Variants in SPMIP4 observed in about 807,000 individuals in gnomAD.
SPMIP4 encodes the protein sperm microtubule inner protein 4.
the SPMIP4 span, among the ~76,000 whole-genome samples, chr7:25,160,166 AC>A: frequency 6.6e-6 from 1 of 151,802 alleles, no homozygotes; most frequent in African/African-American, 2.4e-5. Context: ...AACCGAGACA[AC>A]CACAAATTTT....
chr7:25,155,971 C>T, the SPMIP4 span, among the ~76,000 whole-genome samples: 27 of 152,126 alleles, frequency 1.8e-4, no homozygotes, highest in Non-Finnish European at 2.5e-4. Context: ...TCCTCCCTTC[C>T]GCCCTCATCC....
the SPMIP4 span, chr7:25,142,379 C>T: frequency 3.6e-6 from 5 of 1,371,630 alleles, no homozygotes; most frequent in African/African-American, 2.9e-5. Flanking sequence ...AAACGAAGAA[C>T]GACAGTTATA....
chr7:25,158,619 G>T, the SPMIP4 span: 2 of 1,076,210 alleles, frequency 1.9e-6, no homozygotes, highest in Non-Finnish European at 2.8e-6. Context: ...AATGATATAG[G>T]CTGGGCATGG....
the SPMIP4 span, chr7:25,168,507 CAG>C: frequency 6.7e-7 from 1 of 1,493,446 alleles, no homozygotes; most frequent in South Asian, 1.3e-5. Flanking sequence ...AGCAACATAA[CAG>C]ATGCATAAAA....
At chr7:25,171,969 T>G in the SPMIP4 span, among the ~76,000 whole-genome samples, 2 of 152,306 alleles carry the variant, frequency 1.3e-5, no homozygotes, top group East Asian at 3.9e-4. Flanking sequence ...CAAACAGGAA[T>G]CCTTTCAGTA....
At chr7:25,128,227 C>G in the SPMIP4 span, among the ~76,000 whole-genome samples, 1 of 152,346 alleles carries the variant, frequency 6.6e-6, no homozygotes, top group East Asian at 1.9e-4. This position sits in a 1 kb window ranked among gnomAD's most constrained non-coding sequence, Gnocchi z 4.5. Context: ...TATGTTTCCT[C>G]AAGGCCTGCA....
At chr7:25,179,062 C>A in the SPMIP4 span, 10 of 1,238,622 alleles carry the variant, frequency 8.1e-6, no homozygotes, top group East Asian at 2.6e-4. Flanking sequence ...AACAAACAAA[C>A]AAACAAGAAA....
the SPMIP4 span, among the ~76,000 whole-genome samples, chr7:25,151,045 G>A: frequency 6.6e-6 from 1 of 152,110 alleles, no homozygotes; most frequent in Non-Finnish European, 1.5e-5. Flanking sequence ...GAGGAACACA[G>A]TGTGAGAAAT....
chr7:25,155,115 G>A, the SPMIP4 span: 417 of 1,613,580 alleles, frequency 2.6e-4, 4 homozygotes, highest in South Asian at 3.2e-3. Flanking sequence ...CTCAGGTGAC[G>A]TGAAGGTGGG....
the SPMIP4 span, among the ~76,000 whole-genome samples, chr7:25,168,762 G>T: frequency 1.4e-5 from 2 of 144,188 alleles, no homozygotes; most frequent in African/African-American, 2.6e-5. Context: ...TTCTCACTCT[G>T]TTGCCCAGGC....
chr7:25,132,155 G>A, the SPMIP4 span, among the ~76,000 whole-genome samples: 75 of 152,288 alleles, frequency 4.9e-4, no homozygotes, highest in African/African-American at 1.7e-3. This position sits in a 1 kb window ranked among gnomAD's most constrained non-coding sequence, Gnocchi z 5.0. Context: ...TGTCCCTCCC[G>A]CTGTGCTGTC....
At chr7:25,131,331 A>T in the SPMIP4 span, among the ~76,000 whole-genome samples, 1 of 152,214 alleles carries the variant, frequency 6.6e-6, no homozygotes, top group South Asian at 2.1e-4. The surrounding 1 kb of genome is among the most constrained non-coding windows in gnomAD (Gnocchi z 4.2). Context: ...TTATAATGTA[A>T]TAATAATAGA....
chr7:25,161,180 C>T, the SPMIP4 span: 18 of 1,503,264 alleles, frequency 1.2e-5, no homozygotes, highest in South Asian at 2.6e-5. Flanking sequence ...GAAAAAAACC[C>T]AGACTTACAA....
chr7:25,149,530 G>A, the SPMIP4 span, among the ~76,000 whole-genome samples: 1 of 152,096 alleles, frequency 6.6e-6, no homozygotes, highest in Non-Finnish European at 1.5e-5. Flanking sequence ...AAGAAAGTGG[G>A]ATTAATCATC....
chr7:25,175,874 C>G, the SPMIP4 span, among the ~76,000 whole-genome samples: 4 of 152,172 alleles, frequency 2.6e-5, no homozygotes, highest in African/African-American at 9.7e-5. Flanking sequence ...CCATCACTAA[C>G]ACTGAGAGGA....
At chr7:25,134,336 A>C in the SPMIP4 span, among the ~76,000 whole-genome samples, 3 of 6,902 alleles carry the variant, frequency 4.3e-4, no homozygotes, top group Non-Finnish European at 7.5e-4. Context: ...CATTTTGTAA[A>C]AAAAAAAAAA....
At chr7:25,169,238 ATAAT>A in the SPMIP4 span, among the ~76,000 whole-genome samples, 1 of 151,982 alleles carries the variant, frequency 6.6e-6, no homozygotes, top group Non-Finnish European at 1.5e-5. Context: ...TTATAAATTT[ATAAT>A]TAATTAAAAA....
chr7:25,134,991 G>A, the SPMIP4 span: 259 of 947,424 alleles, frequency 2.7e-4, no homozygotes, highest in Admixed American at 6.8e-4. Context: ...TAGTTTTAAG[G>A]AGGTTACAAC....
At chr7:25,171,715 C>G in the SPMIP4 span, among the ~76,000 whole-genome samples, 3 of 152,154 alleles carry the variant, frequency 2.0e-5, no homozygotes, top group African/African-American at 7.2e-5. Context: ...CAGGGCTGAT[C>G]CTGGCAAATT....
Sources: gnomAD v4.1 joint callset for allele counts (sites outside exome capture counted in the v4.1 genomes callset) on GRCh38, gnomAD v4.1.1 for gene constraint, Gnocchi (gnomAD v3.1) non-coding constraint, MANE v1.5 for transcripts, NCBI Gene and HGNC (gene_info 2026-07-23, HGNC 2026-07-21) for gene names.